Variants in ARSK observed in about 807,000 individuals in gnomAD.
ARSK encodes arylsulfatase family member K, also known as arylsulfatase K.
In ARSK, 37 loss-of-function variants were observed where a neutral mutation model predicts 53.2. The observed-to-expected ratio is 0.70, with a 90% CI of 0.54 to 0.92. ARSK has a LOEUF of 0.92. Ranked by LOEUF, ARSK falls within the 40% of genes least tolerant of loss-of-function variation. The probability of loss-of-function intolerance (pLI) is 0.00; values close to 1 mark genes in which losing one functional copy is unlikely to be tolerated. For synonymous variants in ARSK, 208 were observed against 223.2 expected, an observed-to-expected ratio of 0.93 and a Z score of 0.61; for missense variants, 613 against 643.0, an observed-to-expected ratio of 0.95 and a Z score of 0.51.
chr5:95,595,269 G>C (rs1749287757), intron 6 of ARSK, among the ~76,000 whole-genome samples: 1 of 152,208 alleles, frequency 6.6e-6, no homozygotes, highest in African/African-American at 2.4e-5. Flanking sequence ...GTGGGAAGCA[G>C]TTTGGAGATT....
chr5:95,594,017 T>G (rs900994555), intron 6 of ARSK, among the ~76,000 whole-genome samples: 2 of 152,212 alleles, frequency 1.3e-5, no homozygotes, highest in African/African-American at 4.8e-5. Context: ...TCTCCAATTC[T>G]AAACTGAAAA....
chr5:95,583,936 C>T (rs1042389078), intron 4 of ARSK, among the ~76,000 whole-genome samples: 1 of 152,138 alleles, frequency 6.6e-6, no homozygotes, highest in Non-Finnish European at 1.5e-5. Context: ...CATCTTTATC[C>T]TTTTCTTCAC....
intron 4 of ARSK, among the ~76,000 whole-genome samples, chr5:95,583,533 C>T (rs1749057658): frequency 6.6e-6 from 1 of 151,978 alleles, no homozygotes; most frequent in African/African-American, 2.4e-5. Context: ...CATAAAACAA[C>T]CTTAATAAAT....
intron 1 of ARSK, among the ~76,000 whole-genome samples, chr5:95,564,839 T>G (rs7703196): frequency 0.016 from 2,376 of 152,332 alleles, 57 homozygotes; most frequent in African/African-American, 0.052. Context: ...TAGCTTCCTC[T>G]AGACCCTTTT....
chr5:95,580,493 GTTATC>G (rs1157836058), intron 3 of ARSK, among the ~76,000 whole-genome samples: 5 of 152,102 alleles, frequency 3.3e-5, no homozygotes, highest in African/African-American at 1.2e-4. Flanking sequence ...TGTCAAAAGA[GTTATC>G]TTATTATTGT....
At position 95,555,437 on chromosome 5, in the gene ARSK, G is replaced by C; in HGVS notation, c.126+33G>C. ...CCGCGAGGCAGGGGAGGGGCGCCCC[G>C]CTGGGGATCGGCGACCTCACCGCCG... On this transcript the variant is annotated intron_variant, in intron 1 of 7. Coordinates refer to ENST00000380009, the MANE Select transcript of ARSK (RefSeq NM_198150.3). This position sits in a 1 kb window ranked among gnomAD's most constrained non-coding sequence, Gnocchi z 4.0. 1 of 1,572,478 alleles carries C rather than the reference G, an allele frequency of 6.4e-7. No individual in the cohort carries two copies. Among genetic ancestry groups the C allele is most frequent in the African/African-American group, 1.4e-5 (1 of 73,602 alleles).
chr5:95,555,146 C>G lies in ARSK; in HGVS notation c.-133C>G. 1 of 726,840 alleles carries G rather than the reference C, an allele frequency of 1.4e-6. No individual in the cohort carries two copies. The highest frequency in any genetic ancestry group is 2.2e-6 in the Non-Finnish European group (1 of 462,954). 45.0% of individuals were successfully genotyped at this position (726,840 alleles called of 1,614,324 possible). A position where few individuals can be genotyped will look rare whatever the true frequency, so the allele number is the denominator to read the frequency against. Reference sequence around the variant, plus strand: ...AGGAGTTGTAGTTCTGCGGGTGAAGCTCGGCGTTACTATCAAGCAACCAAA... The same window carrying G: ...AGGAGTTGTAGTTCTGCGGGTGAAGGTCGGCGTTACTATCAAGCAACCAAA... On this transcript the variant is annotated 5_prime_UTR_variant, in exon 1 of 8. Coordinates refer to ENST00000380009, the MANE Select transcript of ARSK (RefSeq NM_198150.3). The surrounding 1 kb of genome is among the most constrained non-coding windows in gnomAD (Gnocchi z 4.0).
intron 5 of ARSK, among the ~76,000 whole-genome samples, chr5:95,589,747 A>G (rs1749180834): frequency 1.3e-5 from 2 of 152,180 alleles, no homozygotes; most frequent in Non-Finnish European, 1.5e-5. Flanking sequence ...ACACATGTGC[A>G]TGTATCTTTG....
intron 3 of ARSK, among the ~76,000 whole-genome samples, chr5:95,570,573 A>G (rs1424254048): frequency 1.3e-5 from 2 of 152,206 alleles, no homozygotes; most frequent in Non-Finnish European, 2.9e-5. Context: ...ATTAAGTGTC[A>G]GTGTTCTGTA....
At chr5:95,594,134 G>T (rs1749262522) in intron 6 of ARSK, among the ~76,000 whole-genome samples, 1 of 152,062 alleles carries the variant, frequency 6.6e-6, no homozygotes, top group South Asian at 2.1e-4. Context: ...TTTAGTTGGG[G>T]AAGAGTGAGT....
intron 3 of ARSK, chr5:95,580,915 AT>A: frequency 1.6e-6 from 2 of 1,288,396 alleles, no homozygotes; most frequent in South Asian, 1.2e-5. Flanking sequence ...GGGTCAACTA[AT>A]CAAAGAAGTG....
intron 5 of ARSK, among the ~76,000 whole-genome samples, chr5:95,590,653 A>G (rs556007790): frequency 6.6e-6 from 1 of 152,302 alleles, no homozygotes; most frequent in Non-Finnish European, 1.5e-5. Context: ...TTTTTAAATT[A>G]ATATACACTC....
Position 95,603,486 on chromosome 5 carries a change from A to T in ARSK, c.1571A>T (p.Asp524Val), listed in dbSNP as rs146851268. The change falls in exon 8 of 8, where the codon GAT becomes GTT. Residue 524 changes from aspartate (D) to valine (V), a missense_variant. Physicochemically the swap from Asp to Val is radical, Grantham distance 152. Coordinates refer to ENST00000380009, the MANE Select transcript of ARSK (RefSeq NM_198150.3). ...KEPRKYENAI[D>V]QWLKTHMNPR... ...CCAAGGAAGTATGAAAATGCAATTG[A>T]TCAGTGGCTTAAAACCCATATGAAT... 6.8e-6 allele frequency: 11 copies of T among 1,612,534 alleles called. No individual in the cohort carries two copies. Among genetic ancestry groups the T allele is most frequent in the Non-Finnish European group, 9.3e-6 (11 of 1,179,544 alleles).
At chr5:95,571,689 C>G (rs1187506814) in intron 3 of ARSK, among the ~76,000 whole-genome samples, 4 of 152,158 alleles carry the variant, frequency 2.6e-5, no homozygotes, top group Non-Finnish European at 5.9e-5. Context: ...TTGCTTAAAG[C>G]ATGTTTTCAT....
At chr5:95,571,832 G>A (rs1197692662) in intron 3 of ARSK, among the ~76,000 whole-genome samples, 3 of 152,116 alleles carry the variant, frequency 2.0e-5, no homozygotes, top group Non-Finnish European at 4.4e-5. Flanking sequence ...ATGTCTGAAG[G>A]TTATATGAAT....
intron 3 of ARSK, among the ~76,000 whole-genome samples, chr5:95,573,774 A>T (rs534281594): frequency 6.6e-6 from 1 of 152,366 alleles, no homozygotes; most frequent in South Asian, 2.1e-4. Context: ...CTTAGGGAGT[A>T]CAGTAGATAT....
intron 4 of ARSK, among the ~76,000 whole-genome samples, chr5:95,585,771 T>G (rs1749101602): frequency 6.6e-6 from 1 of 152,128 alleles, no homozygotes; most frequent in African/African-American, 2.4e-5. Flanking sequence ...CTAAAGAACT[T>G]ATTCATGCAA....
At chr5:95,594,569 C>T (rs548530193) in intron 6 of ARSK, among the ~76,000 whole-genome samples, 8 of 152,130 alleles carry the variant, frequency 5.3e-5, no homozygotes, top group Non-Finnish European at 1.2e-4. Context: ...TTGCTGGGCA[C>T]GGTGGCTCAC....
chr5:95,556,509 C>T (rs1448489635), intron 1 of ARSK: 1 of 405,454 alleles, frequency 2.5e-6, no homozygotes, highest in African/African-American at 2.0e-5. Context: ...TGTTGGATGG[C>T]CACTGGTTGT....
Sources: allele counts gnomAD v4.1 joint callset (sites outside exome capture counted in the v4.1 genomes callset), GRCh38; gene constraint gnomAD v4.1.1; non-coding constraint Gnocchi (gnomAD v3.1); transcripts MANE v1.5; gene names NCBI Gene and HGNC (gene_info 2026-07-23, HGNC 2026-07-21).